Variants in TMEM108 observed in about 807,000 individuals in gnomAD.
The protein encoded by TMEM108 is cancer/testis antigen 124.
In TMEM108, 12 loss-of-function variants were observed where a neutral mutation model predicts 35.1. The ratio of observed to expected loss-of-function variants is 0.34; its 90% CI spans 0.22 to 0.55. The LOEUF is 0.55. Among genes scored for constraint, TMEM108 ranks in the 20% least tolerant of loss-of-function variants. The pLI is 0.89. For synonymous variants in TMEM108, 287 were observed against 308.6 expected, an observed-to-expected ratio of 0.93 and a Z score of 0.73; for missense variants, 680 against 753.3, an observed-to-expected ratio of 0.90 and a Z score of 1.14.
intron 2 of TMEM108, among the ~76,000 whole-genome samples, chr3:133,110,821 C>T (rs1277422314): frequency 6.6e-6 from 1 of 152,242 alleles, no homozygotes; most frequent in African/African-American, 2.4e-5. Flanking sequence ...GTTGTGTCCT[C>T]ACTCCCAGAA....
rs147458155 is a variant in TMEM108 at position 133,163,331 on chromosome 3, A to G, written c.-46-65935A>G. Among the ~76,000 whole-genome samples, 992 of 152,342 alleles carry G rather than the reference A, an allele frequency of 6.5e-3. 6 individuals carry two copies. Among genetic ancestry groups the G allele is most frequent in the Non-Finnish European group, 0.012 (808 of 68,030 alleles). ...CTGTCCAGTGGGGAAGAGGCAGGACAGAGTGGAAGGCAACAGCCAAGAGAA... is the reference window on the plus strand; with the variant it reads ...CTGTCCAGTGGGGAAGAGGCAGGACGGAGTGGAAGGCAACAGCCAAGAGAA... On this transcript the variant is annotated intron_variant, in intron 2 of 5. Coordinates refer to ENST00000321871, the MANE Select transcript of TMEM108 (RefSeq NM_023943.4).
intron 2 of TMEM108, among the ~76,000 whole-genome samples, chr3:133,093,132 G>T (rs1943970460): frequency 1.3e-5 from 2 of 152,170 alleles, no homozygotes; most frequent in East Asian, 3.9e-4. Flanking sequence ...TAGGGCTACA[G>T]GAGTGTGCCA....
At chr3:133,225,829 A>C (rs77714771) in intron 2 of TMEM108, among the ~76,000 whole-genome samples, 1,766 of 152,298 alleles carry the variant, frequency 0.012, 31 homozygotes, top group African/African-American at 0.039. Context: ...AAAACTTAAT[A>C]CAAAGTCCAG....
chr3:133,354,785 T>G (rs2072111561), intron 3 of TMEM108, among the ~76,000 whole-genome samples: 1 of 143,398 alleles, frequency 7.0e-6, no homozygotes, highest in African/African-American at 2.5e-5. Context: ...CATTCTACTT[T>G]AAATGTCATA....
chr3:133,257,173 T>G (rs1946559896), intron 3 of TMEM108: 1 of 152,230 alleles, frequency 6.6e-6, no homozygotes, highest in Non-Finnish European at 1.5e-5. Context: ...GTGCCTGTGT[T>G]ATATAACAGC....
chr3:133,145,306 T>C (rs746895722), intron 2 of TMEM108, among the ~76,000 whole-genome samples: 35 of 152,224 alleles, frequency 2.3e-4, no homozygotes, highest in South Asian at 8.3e-4. Flanking sequence ...GGCCTCTGTT[T>C]TGTTCCATTG....
At chr3:133,244,462 A>G (rs1946356945) in intron 3 of TMEM108, among the ~76,000 whole-genome samples, 1 of 152,112 alleles carries the variant, frequency 6.6e-6, no homozygotes, top group Non-Finnish European at 1.5e-5. Context: ...AGGGCTGGAG[A>G]TGGCTGGTGA....
chr3:133,384,038 C>T (rs2073082586), intron 4 of TMEM108, among the ~76,000 whole-genome samples: 1 of 152,192 alleles, frequency 6.6e-6, no homozygotes, highest in South Asian at 2.1e-4. Flanking sequence ...ACCCTGTGCT[C>T]TCAGGAACTA....
chr3:133,155,286 G>A (rs1008537251), intron 2 of TMEM108, among the ~76,000 whole-genome samples: 1 of 152,178 alleles, frequency 6.6e-6, no homozygotes, highest in East Asian at 1.9e-4. Context: ...TTGATTCCAT[G>A]TCTTTGCTAT....
intron 2 of TMEM108, among the ~76,000 whole-genome samples, chr3:133,152,044 C>T (rs189736404): frequency 2.1e-4 from 32 of 152,230 alleles, no homozygotes; most frequent in Admixed American, 3.9e-4. Context: ...TCTGAGACTT[C>T]CGTTGACCAA....
chr3:133,080,199 CAG>C (rs1376067499), intron 2 of TMEM108, among the ~76,000 whole-genome samples: 1 of 152,152 alleles, frequency 6.6e-6, no homozygotes, highest in African/African-American at 2.4e-5. Flanking sequence ...TTATCCCTAA[CAG>C]GGATAATGGC....
intron 3 of TMEM108, among the ~76,000 whole-genome samples, chr3:133,314,083 G>C (rs1330215212): frequency 6.6e-6 from 1 of 152,026 alleles, no homozygotes; most frequent in Non-Finnish European, 1.5e-5. Context: ...TGCCATGCTT[G>C]TTCATGAATA....
rs908646246 is a variant in TMEM108 at position 133,378,447 on chromosome 3, T to C, written c.41-1305T>C. The C allele has an allele frequency of 1.1e-5, 11 of 985,288 alleles. No homozygotes were observed. The African/African-American group carries it at 1.4e-4, about 13-fold the overall frequency. The allele number at this position is 985,288 out of a possible 1,614,324, so 61.0% of individuals were successfully genotyped here. ...GAGGAAAGACGCTCTGAGAGAGTAA[T>C]TAGACGCAGACAGAGATCTCTCTCC... is the stretch of plus-strand genomic sequence containing the variant. On this transcript the variant is annotated intron_variant, in intron 3 of 5. Coordinates refer to ENST00000321871, the MANE Select transcript of TMEM108 (RefSeq NM_023943.4).
At chr3:133,189,067 A>G (rs1241790326) in intron 2 of TMEM108, among the ~76,000 whole-genome samples, 4 of 152,234 alleles carry the variant, frequency 2.6e-5, no homozygotes, top group Non-Finnish European at 4.4e-5. Flanking sequence ...AATGTAGTTT[A>G]GCTCTGTGAC....
At chr3:133,112,633 A>G (rs1156970319) in intron 2 of TMEM108, among the ~76,000 whole-genome samples, 1 of 152,194 alleles carries the variant, frequency 6.6e-6, no homozygotes, top group Non-Finnish European at 1.5e-5. Context: ...GTCAGACAAT[A>G]TTAATGTACT....
At chr3:133,130,967 C>T (rs1456942651) in intron 2 of TMEM108, among the ~76,000 whole-genome samples, 1 of 152,180 alleles carries the variant, frequency 6.6e-6, no homozygotes, top group Non-Finnish European at 1.5e-5. Context: ...TTATGAAATA[C>T]CAATGGATTA....
chr3:133,161,252 T>C (rs1331608888), intron 2 of TMEM108, among the ~76,000 whole-genome samples: 1 of 152,192 alleles, frequency 6.6e-6, no homozygotes, highest in Non-Finnish European at 1.5e-5. Flanking sequence ...CCTGGAATGC[T>C]TGTCCATTGA....
intron 2 of TMEM108, among the ~76,000 whole-genome samples, chr3:133,170,148 A>G (rs1042545908): frequency 6.6e-6 from 1 of 152,180 alleles, no homozygotes; most frequent in Admixed American, 6.5e-5. Flanking sequence ...AAGAATAGTA[A>G]TGTGTGCTTC....
At chr3:133,150,342 G>GTTTTTTTTTTTTTTTTT (rs10663538) in intron 2 of TMEM108, among the ~76,000 whole-genome samples, 4 of 109,706 alleles carry the variant, frequency 3.6e-5, no homozygotes, top group Admixed American at 1.0e-4. Flanking sequence ...AGGTTATTTG[G>GTTTTTTTTTTTTTTTTT]TTTTTTTTTT....
Sources: gnomAD v4.1 joint callset for allele counts (sites outside exome capture counted in the v4.1 genomes callset) on GRCh38, gnomAD v4.1.1 for gene constraint, MANE v1.5 for transcripts, NCBI Gene and HGNC (gene_info 2026-07-23, HGNC 2026-07-21) for gene names.